Variants in CACNA2D1 observed in about 807,000 individuals in gnomAD.
CACNA2D1 encodes the protein voltage-dependent calcium channel subunit alpha-2/delta-1.
A neutral mutation model predicts 171.5 loss-of-function variants in CACNA2D1; 53 were observed. That is an observed-to-expected ratio of 0.31 (90% CI 0.25 to 0.39). The LOEUF is 0.39. Among genes scored for constraint, CACNA2D1 ranks in the 10% least tolerant of loss-of-function variants. The probability of loss-of-function intolerance (pLI) is 1.00; values close to 1 mark genes in which losing one functional copy is unlikely to be tolerated. For synonymous variants in CACNA2D1, 442 were observed against 443.1 expected (o/e 1.00, Z 0.03); for missense variants, 903 against 1,299.8 (o/e 0.69, Z 4.69).
At chr7:82,353,395 C>A (rs2129446340) in intron 1 of CACNA2D1, among the ~76,000 whole-genome samples, 1 of 152,190 alleles carries the variant, frequency 6.6e-6, no homozygotes, top group African/African-American at 2.4e-5. Flanking sequence ...TTGACAGGTT[C>A]ATTTTTATTG....
At chr7:82,100,161 G>A (rs1485421176) in intron 6 of CACNA2D1, among the ~76,000 whole-genome samples, 1 of 152,082 alleles carries the variant, frequency 6.6e-6, no homozygotes, top group African/African-American at 2.4e-5. Flanking sequence ...TGTGTGTGAG[G>A]ACAGAAAAAA....
rs1394863065 is a variant in CACNA2D1, at chr7:82,075,221, A to T, written c.659-8697T>A. On this transcript the variant is annotated intron_variant, in intron 7 of 38. Coordinates refer to ENST00000356860, the MANE Select transcript of CACNA2D1 (RefSeq NM_000722.4). ...AGCTGAGGATAAATCACCATAATTA[A>T]AAAAAAAAAAACCCTTATTACAAAG... 3.2e-4 allele frequency among the ~76,000 whole-genome samples: 8 copies of T among 25,172 alleles called. No individual in the cohort carries two copies. The South Asian group carries it at 0.011, about 35-fold the overall frequency. 16.5% of individuals were successfully genotyped at this position (25,172 alleles called of 152,430 possible). A position where few individuals can be genotyped will look rare whatever the true frequency, so the allele number is the denominator to read the frequency against.
chr7:82,308,515 A>T (rs1472470580), intron 3 of CACNA2D1, among the ~76,000 whole-genome samples: 3 of 152,152 alleles, frequency 2.0e-5, no homozygotes, highest in East Asian at 1.9e-4. Flanking sequence ...AAGAAACAGA[A>T]ACTTAAAAAG....
chr7:82,040,893 T>C (rs1183044735), intron 10 of CACNA2D1, among the ~76,000 whole-genome samples: 1 of 152,042 alleles, frequency 6.6e-6, no homozygotes, highest in Non-Finnish European at 1.5e-5. Context: ...GAGAATCACT[T>C]GAACCAGGGA....
chr7:82,135,926 AT>A (rs1327329779), intron 5 of CACNA2D1, among the ~76,000 whole-genome samples: 1 of 152,124 alleles, frequency 6.6e-6, no homozygotes, highest in Non-Finnish European at 1.5e-5. Context: ...ATACATAGGC[AT>A]TTTTTTGATC....
intron 5 of CACNA2D1, among the ~76,000 whole-genome samples, chr7:82,128,096 GT>G (rs537422197): frequency 0.11 from 15,682 of 142,252 alleles, 966 homozygotes; most frequent in Middle Eastern, 0.25. Context: ...GCTAATTTTA[GT>G]TTTTTTTTTT....
At chr7:82,027,680 T>C (rs1436713110) in intron 12 of CACNA2D1, 1 of 151,774 alleles carries the variant, frequency 6.6e-6, no homozygotes, top group Non-Finnish European at 1.5e-5. Flanking sequence ...CAACCCTGTA[T>C]CAAGTAAGTC....
intron 9 of CACNA2D1, among the ~76,000 whole-genome samples, chr7:82,060,789 A>T (rs1009097761): frequency 6.6e-6 from 1 of 151,106 alleles, no homozygotes; most frequent in Non-Finnish European, 1.5e-5. Flanking sequence ...AGTGACAATT[A>T]AAAAAAAATA....
intron 38 of CACNA2D1, among the ~76,000 whole-genome samples, chr7:81,954,476 C>A (rs1365814802): frequency 6.6e-6 from 1 of 151,784 alleles, no homozygotes; most frequent in South Asian, 2.1e-4. Flanking sequence ...GGTTTTTGCC[C>A]CAAAGTTTTC....
intron 3 of CACNA2D1, among the ~76,000 whole-genome samples, chr7:82,316,202 T>C (rs1815103254): frequency 6.6e-6 from 1 of 152,116 alleles, no homozygotes; most frequent in African/African-American, 2.4e-5. Context: ...TACATAAGAA[T>C]TTAAAATAAC....
chr7:82,303,936 G>A (rs186973827), intron 3 of CACNA2D1, among the ~76,000 whole-genome samples: 1 of 152,034 alleles, frequency 6.6e-6, no homozygotes, highest in Non-Finnish European at 1.5e-5. Context: ...CTATTGAAGG[G>A]GAGAAAATAT....
chr7:82,171,714 G>A (rs559353291), intron 3 of CACNA2D1, among the ~76,000 whole-genome samples: 1 of 152,234 alleles, frequency 6.6e-6, no homozygotes, highest in Admixed American at 6.5e-5. Context: ...GAGTTTATTT[G>A]TGGTTTGCCT....
At chr7:82,435,853 T>C (rs1368107625) in intron 1 of CACNA2D1, among the ~76,000 whole-genome samples, 2 of 152,178 alleles carry the variant, frequency 1.3e-5, no homozygotes, top group Non-Finnish European at 2.9e-5. Flanking sequence ...TGAGCACTGC[T>C]CATCCCCTCC....
At chr7:81,991,907 T>C (rs1554342421) in intron 20 of CACNA2D1, among the ~76,000 whole-genome samples, 1 of 151,260 alleles carries the variant, frequency 6.6e-6, no homozygotes, top group Non-Finnish European at 1.5e-5. Flanking sequence ...TGATCTCGGC[T>C]CACTGCAAGC....
intron 1 of CACNA2D1, among the ~76,000 whole-genome samples, chr7:82,415,982 A>G (rs1013658988): frequency 2.0e-5 from 3 of 152,054 alleles, no homozygotes; most frequent in Admixed American, 6.6e-5. Flanking sequence ...TGGGAGGCCA[A>G]GACGGGTGGA....
intron 10 of CACNA2D1, among the ~76,000 whole-genome samples, chr7:82,050,055 C>A (rs977333245): frequency 6.6e-6 from 1 of 152,106 alleles, no homozygotes; most frequent in Admixed American, 6.5e-5. Flanking sequence ...AGTTCCTTAT[C>A]TAAAAAAGCC....
chr7:82,240,425 G>T (rs988151787), intron 3 of CACNA2D1, among the ~76,000 whole-genome samples: 1 of 152,012 alleles, frequency 6.6e-6, no homozygotes, highest in Non-Finnish European at 1.5e-5. Flanking sequence ...TTTATATTTT[G>T]GATCTAAATC....
At chr7:82,092,375 CA>C (rs1475505970) in intron 6 of CACNA2D1, among the ~76,000 whole-genome samples, 2 of 151,584 alleles carry the variant, frequency 1.3e-5, no homozygotes, top group Non-Finnish European at 2.9e-5. Context: ...ACTTCACAGT[CA>C]TTTTTTTTTT....
chr7:82,043,099 T>C (rs1804151374), intron 10 of CACNA2D1, among the ~76,000 whole-genome samples: 1 of 152,196 alleles, frequency 6.6e-6, no homozygotes. Context: ...GAAGCCAGTA[T>C]AAAATGTTGA....
Sources: gnomAD v4.1 joint callset for allele counts (sites outside exome capture counted in the v4.1 genomes callset) on GRCh38, gnomAD v4.1.1 for gene constraint, MANE v1.5 for transcripts, NCBI Gene and HGNC (gene_info 2026-07-23, HGNC 2026-07-21) for gene names.